SPMIP11: variants seen among roughly 807,000 people sequenced by gnomAD.
The protein encoded by SPMIP11 is sperm microtubule inner protein 11.
the SPMIP11 span, among the ~76,000 whole-genome samples, chr12:48,753,699 T>C: frequency 2.0e-5 from 3 of 147,954 alleles, no homozygotes; most frequent in African/African-American, 4.9e-5. Context: ...TTTCTTTTTT[T>C]TTTTTTTTTT....
the SPMIP11 span, among the ~76,000 whole-genome samples, chr12:48,740,619 A>T: frequency 6.6e-6 from 1 of 151,568 alleles, no homozygotes; most frequent in South Asian, 2.1e-4. Flanking sequence ...CAGACTCCCA[A>T]AGTGCTGGAA....
At chr12:48,753,450 CTTGAGTTTCTGGTGAAAGCTGAACTCGT>C in the SPMIP11 span, among the ~76,000 whole-genome samples, 1 of 152,116 alleles carries the variant, frequency 6.6e-6, no homozygotes, top group Non-Finnish European at 1.5e-5. Context: ...AAGGCTCAAC[CTTGAGTTTCTGGTGAAAGCTGAACTCGT>C]CTTACTTACG....
chr12:48,731,600 C>G, the SPMIP11 span, among the ~76,000 whole-genome samples: 1 of 152,148 alleles, frequency 6.6e-6, no homozygotes, highest in African/African-American at 2.4e-5. Context: ...GTTGACTTAA[C>G]TACTGTATAG....
At chr12:48,759,219 A>C in the SPMIP11 span, 1 of 702,944 alleles carries the variant, frequency 1.4e-6, no homozygotes, top group Admixed American at 2.0e-5. Flanking sequence ...ACCAGAAGGA[A>C]CCAGAGCCTA....
chr12:48,757,137 G>A, the SPMIP11 span, among the ~76,000 whole-genome samples: 416 of 152,102 alleles, frequency 2.7e-3, 1 homozygote, highest in East Asian at 0.022. Flanking sequence ...GGGGCCTAGC[G>A]CCTTTTTGGC....
the SPMIP11 span, chr12:48,765,483 C>A: frequency 1.3e-5 from 8 of 637,202 alleles, no homozygotes; most frequent in East Asian, 2.3e-4. Flanking sequence ...CCCGCCAGGG[C>A]CTCCCAAAGT....
the SPMIP11 span, among the ~76,000 whole-genome samples, chr12:48,761,937 C>T: frequency 6.7e-6 from 1 of 148,800 alleles, no homozygotes; most frequent in African/African-American, 2.5e-5. Flanking sequence ...TCCCACACAG[C>T]GATCCTCCTG....
chr12:48,752,249 C>A, the SPMIP11 span, among the ~76,000 whole-genome samples: 2 of 152,162 alleles, frequency 1.3e-5, no homozygotes, highest in Admixed American at 6.5e-5. Flanking sequence ...GCTAGAATAT[C>A]TTTGTCCGCT....
At chr12:48,727,707 G>C in the SPMIP11 span, 1 of 586,722 alleles carries the variant, frequency 1.7e-6, no homozygotes. Context: ...TGTGGAATAG[G>C]GACAATATCC....
the SPMIP11 span, among the ~76,000 whole-genome samples, chr12:48,769,537 T>C: frequency 1.3e-5 from 2 of 151,674 alleles, no homozygotes; most frequent in Non-Finnish European, 2.9e-5. Flanking sequence ...TGAATGCCTA[T>C]TCCATGTCAA....
At chr12:48,768,499 T>C in the SPMIP11 span, 1 of 1,583,042 alleles carries the variant, frequency 6.3e-7, no homozygotes, top group Non-Finnish European at 8.7e-7. Flanking sequence ...GTCTGGAGGC[T>C]CAGTGCCCCC....
At chr12:48,764,998 T>C in the SPMIP11 span, 3 of 702,428 alleles carry the variant, frequency 4.3e-6, no homozygotes, top group African/African-American at 5.2e-5. Flanking sequence ...ATGACCAGGT[T>C]AGGCTGGGAG....
chr12:48,765,489 A>G, the SPMIP11 span: 11 of 645,566 alleles, frequency 1.7e-5, no homozygotes, highest in African/African-American at 2.0e-4. Flanking sequence ...AGGGCCTCCC[A>G]AAGTGCTGGG....
At chr12:48,744,722 A>G in the SPMIP11 span, among the ~76,000 whole-genome samples, 1 of 150,148 alleles carries the variant, frequency 6.7e-6, no homozygotes, top group African/African-American at 2.4e-5. Context: ...TCCATCTCAA[A>G]ATAATAATAA....
the SPMIP11 span, chr12:48,770,652 G>A: frequency 9.2e-7 from 1 of 1,089,594 alleles, no homozygotes; most frequent in Admixed American, 1.9e-5. Flanking sequence ...TCAGAGGGAA[G>A]AAAACCCCAC....
At chr12:48,763,166 A>G in the SPMIP11 span, among the ~76,000 whole-genome samples, 2 of 151,496 alleles carry the variant, frequency 1.3e-5, no homozygotes, top group African/African-American at 4.9e-5. Context: ...AAACTTTAAC[A>G]TTTTTCCATT....
chr12:48,743,196 C>CA, the SPMIP11 span, among the ~76,000 whole-genome samples: 1 of 149,506 alleles, frequency 6.7e-6, no homozygotes, highest in Admixed American at 6.7e-5. Flanking sequence ...AGTTCAAGAT[C>CA]AGCATGGCCA....
chr12:48,771,145 G>T, the SPMIP11 span: 1 of 650,536 alleles, frequency 1.5e-6, no homozygotes, highest in African/African-American at 1.8e-5. The surrounding 1 kb of genome is among the most constrained non-coding windows in gnomAD (Gnocchi z 4.3). Flanking sequence ...GGCAGCCTAG[G>T]ACTCCAGGCA....
chr12:48,768,955 C>T, the SPMIP11 span: 4 of 1,613,752 alleles, frequency 2.5e-6, no homozygotes, highest in Non-Finnish European at 3.4e-6. Context: ...GGTCGGGGAC[C>T]CCCGTGCTGT....
Sources: gnomAD v4.1 joint callset for allele counts (sites outside exome capture counted in the v4.1 genomes callset) on GRCh38, gnomAD v4.1.1 for gene constraint, Gnocchi (gnomAD v3.1) non-coding constraint, MANE v1.5 for transcripts, NCBI Gene and HGNC (gene_info 2026-07-23, HGNC 2026-07-21) for gene names.